WBP1L: variants seen among roughly 807,000 people sequenced by gnomAD.
WBP1L encodes the protein WW domain binding protein 1 like.
WBP1L carries 17 observed loss-of-function variants against 33.7 expected under a neutral mutation model. The observed-to-expected ratio is 0.50, with a 90% confidence interval of 0.34 to 0.76. The LOEUF (loss-of-function observed/expected upper bound fraction) is 0.76. Ranked by LOEUF, WBP1L falls within the 30% of genes least tolerant of loss-of-function variation. The pLI is 0.01. For missense variants in WBP1L, 389 were observed against 469.4 expected (o/e 0.83, Z 1.58); for synonymous variants, 173 against 190.8 (o/e 0.91, Z 0.77).
intron 1 of WBP1L, among the ~76,000 whole-genome samples, chr10:102,749,912 G>A (rs1437277317): frequency 3.3e-5 from 5 of 151,596 alleles, no homozygotes; most frequent in Non-Finnish European, 7.4e-5. Context: ...CAAATAGCTG[G>A]GATTACAAGC....
chr10:102,810,818 C>T (rs1001562805), intron 3 of WBP1L, among the ~76,000 whole-genome samples: 1 of 151,862 alleles, frequency 6.6e-6, no homozygotes, highest in African/African-American at 2.4e-5. Flanking sequence ...CTGCTCGTCT[C>T]GGCCTCCCAA....
intron 1 of WBP1L, among the ~76,000 whole-genome samples, chr10:102,757,878 C>CT: frequency 2.3e-5 from 1 of 43,516 alleles, no homozygotes; most frequent in South Asian, 1.2e-3. Context: ...ACCTGCCCTC[C>CT]CCCCCCCCCT....
intron 1 of WBP1L, among the ~76,000 whole-genome samples, chr10:102,795,800 C>G (rs1440666329): frequency 6.6e-6 from 1 of 152,168 alleles, no homozygotes; most frequent in Admixed American, 6.6e-5. Context: ...TGGGGAGAAA[C>G]TTTCTGATGT....
intron 2 of WBP1L, among the ~76,000 whole-genome samples, chr10:102,807,528 C>G (rs1476807547): frequency 6.6e-6 from 1 of 152,068 alleles, no homozygotes; most frequent in African/African-American, 2.4e-5. Flanking sequence ...TGCCACCATG[C>G]CCAGCTAATT....
intron 1 of WBP1L, among the ~76,000 whole-genome samples, chr10:102,755,860 A>G (rs575119759): frequency 5.3e-5 from 8 of 150,498 alleles, no homozygotes; most frequent in African/African-American, 1.7e-4. Flanking sequence ...CCTGGCTAAC[A>G]TGGTGAAACC....
intron 1 of WBP1L, among the ~76,000 whole-genome samples, chr10:102,758,616 C>T (rs776658703): frequency 6.6e-6 from 1 of 152,026 alleles, no homozygotes; most frequent in Non-Finnish European, 1.5e-5. Context: ...TCCCTGTGTG[C>T]GGAGACGAGA....
In WBP1L at chr10:102,813,111, A is replaced by G. The variant is rs1843871801; in HGVS notation, c.872A>G (p.Asn291Ser). ...CATGACGATGACCTCAAAGAGTTCA[A>G]CACACTCATCGATGATGCTCTGGAT... The part of the protein sequence containing the change: ...GHHDDDLKEF[N>S]TLIDDALDGP... The change falls in exon 4 of 4, where the codon AAC (asparagine) becomes AGC (serine). Residue 291 changes from asparagine to serine, a missense_variant. Coordinates refer to ENST00000448841, the MANE Select transcript of WBP1L (RefSeq NM_001083913.2). 1.9e-6 allele frequency: 3 copies of G among 1,613,874 alleles called. No individual in the cohort carries two copies. The highest frequency in any genetic ancestry group is 3.3e-5 in the Admixed American group (2 of 60,002).
intron 1 of WBP1L, chr10:102,746,182 A>G: frequency 1.0e-6 from 1 of 985,042 alleles, no homozygotes; most frequent in Non-Finnish European, 1.2e-6. Context: ...AGGTGTTGTG[A>G]ACATGTGGAA....
intron 1 of WBP1L, among the ~76,000 whole-genome samples, chr10:102,748,517 A>AC (rs1842891403): frequency 6.6e-6 from 1 of 152,070 alleles, no homozygotes; most frequent in Non-Finnish European, 1.5e-5. Flanking sequence ...CTTTTACCTC[A>AC]CCTGCTTAGT....
At chr10:102,806,305 G>A (rs1320683922) in intron 2 of WBP1L, among the ~76,000 whole-genome samples, 1 of 151,880 alleles carries the variant, frequency 6.6e-6, no homozygotes, top group African/African-American at 2.4e-5. Context: ...GAAAGTAAGA[G>A]AAGTATAGGT....
At chr10:102,794,648 G>A (rs1843548796) in intron 1 of WBP1L, among the ~76,000 whole-genome samples, 1 of 152,194 alleles carries the variant, frequency 6.6e-6, no homozygotes, top group Admixed American at 6.5e-5. Context: ...TACTCAGGAG[G>A]CTGAGGCAGG....
At chr10:102,780,928 A>G (rs1843326755) in intron 1 of WBP1L, among the ~76,000 whole-genome samples, 1 of 152,200 alleles carries the variant, frequency 6.6e-6, no homozygotes, top group Non-Finnish European at 1.5e-5. Context: ...CTCAGTGGGA[A>G]AGACCCATTG....
At chr10:102,760,425 G>T (rs1217605195) in intron 1 of WBP1L, among the ~76,000 whole-genome samples, 5 of 143,828 alleles carry the variant, frequency 3.5e-5, no homozygotes, top group African/African-American at 1.3e-4. Context: ...AGCCCAGGCT[G>T]GAGTGCAATG....
intron 1 of WBP1L, among the ~76,000 whole-genome samples, chr10:102,756,839 T>G (rs1842983383): frequency 6.6e-6 from 1 of 151,686 alleles, no homozygotes; most frequent in Non-Finnish European, 1.5e-5. Flanking sequence ...GAGACTGAGG[T>G]GGGCAGATCG....
At chr10:102,763,551 G>A (rs1432695126) in intron 1 of WBP1L, among the ~76,000 whole-genome samples, 1 of 152,158 alleles carries the variant, frequency 6.6e-6, no homozygotes, top group Non-Finnish European at 1.5e-5. Flanking sequence ...GGTCTGGAAT[G>A]CAAGAGACCT....
At chr10:102,809,549 T>C (rs774057166) in intron 2 of WBP1L, among the ~76,000 whole-genome samples, 1 of 151,784 alleles carries the variant, frequency 6.6e-6, no homozygotes, top group Non-Finnish European at 1.5e-5. Flanking sequence ...TTTTTGTATT[T>C]TTAGTAGAGA....
chr10:102,777,408 T>A (rs1843279756), intron 1 of WBP1L, among the ~76,000 whole-genome samples: 1 of 152,030 alleles, frequency 6.6e-6, no homozygotes, highest in Admixed American at 6.6e-5. Context: ...CTCCCTTGAG[T>A]TGCCTACAGT....
chr10:102,773,435 A>T (rs1590175605), intron 1 of WBP1L, among the ~76,000 whole-genome samples: 1 of 152,352 alleles, frequency 6.6e-6, no homozygotes, highest in East Asian at 1.9e-4. Flanking sequence ...GATTAGAAAC[A>T]CTGTCTTGGG....
chr10:102,799,764 A>G (rs1266370973), intron 2 of WBP1L, among the ~76,000 whole-genome samples: 1 of 151,714 alleles, frequency 6.6e-6, no homozygotes, highest in East Asian at 1.9e-4. Context: ...CCCCCCCATC[A>G]ACCCCTGTGT....
Sources: allele counts gnomAD v4.1 joint callset (sites outside exome capture counted in the v4.1 genomes callset), GRCh38; gene constraint gnomAD v4.1.1; transcripts MANE v1.5; gene names NCBI Gene and HGNC (gene_info 2026-07-23, HGNC 2026-07-21).